EIF5A2: variants seen among roughly 807,000 people sequenced by gnomAD.
EIF5A2 encodes the protein eukaryotic translation initiation factor 5A-2.
A neutral mutation model predicts 16.4 loss-of-function variants in EIF5A2; 15 were observed. That is an observed-to-expected ratio of 0.92 (90% CI 0.61 to 1.41). The LOEUF (loss-of-function observed/expected upper bound fraction) is 1.41, where lower values mean the gene tolerates loss of function less well. Among genes scored for constraint, EIF5A2 ranks in the 40% most tolerant of loss-of-function variants. The probability of loss-of-function intolerance (pLI) is 0.00; values close to 1 mark genes in which losing one functional copy is unlikely to be tolerated. For synonymous variants in EIF5A2, 48 were observed against 61.1 expected (o/e 0.79, Z 1.00); for missense variants, 144 against 189.5 (o/e 0.76, Z 1.41).
rs1193568188 is a variant in EIF5A2 at position 170,891,394 on chromosome 3, A to G, written c.*1966T>C. On this transcript the variant is annotated 3_prime_UTR_variant, in exon 5 of 5. Transcript: ENST00000295822. ...AGATGGGCAAAAGCTAAAATGTTGTAGGAAAGACGACTAACTACTACCTCA... is the reference window on the plus strand; with the variant it reads ...AGATGGGCAAAAGCTAAAATGTTGTGGGAAAGACGACTAACTACTACCTCA... 6.6e-6 allele frequency: 1 copy of G among 152,638 alleles called. No homozygotes were observed. Among genetic ancestry groups the G allele is most frequent in the Non-Finnish European group, 1.5e-5 (1 of 68,016 alleles). The allele number at this position is 152,638 out of a possible 1,614,324, so 9.5% of individuals were successfully genotyped here.
In EIF5A2 at chr3:170,892,521, A is replaced by G. The variant is rs1712560787; in HGVS notation, c.*839T>C. The G allele has an allele frequency of 2.7e-6, 1 of 364,050 alleles. No individual in the cohort carries two copies. The highest frequency in any genetic ancestry group is 1.5e-4 in the South Asian group (1 of 6,770). 22.6% of individuals were successfully genotyped at this position (364,050 alleles called of 1,614,324 possible). A position where few individuals can be genotyped will look rare whatever the true frequency, so the allele number is the denominator to read the frequency against. ...CATAGTTGGAAAACAAGCATTGCATAGTATCATGTAAAGCAGATCACTCCC... is the reference window on the plus strand; with the variant it reads ...CATAGTTGGAAAACAAGCATTGCATGGTATCATGTAAAGCAGATCACTCCC... On this transcript the variant is annotated 3_prime_UTR_variant, in exon 5 of 5. Coordinates refer to ENST00000295822, the MANE Select transcript of EIF5A2 (RefSeq NM_020390.6).
chr3:170,895,429 A>T (rs943268972), intron 3 of EIF5A2, among the ~76,000 whole-genome samples: 15 of 152,164 alleles, frequency 9.9e-5, no homozygotes, highest in African/African-American at 3.6e-4. Flanking sequence ...GTAAACAACC[A>T]ACCTCCACTC....
At chr3:170,904,365 G>T (rs921618472) in intron 3 of EIF5A2, among the ~76,000 whole-genome samples, 1 of 152,138 alleles carries the variant, frequency 6.6e-6, no homozygotes, top group Non-Finnish European at 1.5e-5. Flanking sequence ...TGCCGAACTG[G>T]CACTCAAAAT....
chr3:170,900,059 G>A (rs1024218500), intron 3 of EIF5A2, among the ~76,000 whole-genome samples: 3 of 151,902 alleles, frequency 2.0e-5, no homozygotes, highest in African/African-American at 7.3e-5. Flanking sequence ...AGTATATAAG[G>A]TTATAAGGCT....
In EIF5A2 at chr3:170,891,464, T is replaced by C. The variant is rs913691460; in HGVS notation, c.*1896A>G. ...AATTTCCTTTGTATTTCTCTTAAAG[T>C]ATCTTGCTTCTTCCCCAAATTGGTT... is the stretch of plus-strand genomic sequence containing the variant. On this transcript the variant is annotated 3_prime_UTR_variant, in exon 5 of 5. Coordinates refer to ENST00000295822, the MANE Select transcript of EIF5A2 (RefSeq NM_020390.6). 3 of 152,656 alleles carry C rather than the reference T, an allele frequency of 2.0e-5. No homozygotes were observed. The highest frequency in any genetic ancestry group is 4.8e-5 in the African/African-American group (2 of 41,464). The allele number at this position is 152,656 out of a possible 1,614,324, so 9.5% of individuals were successfully genotyped here. A position where few individuals can be genotyped will look rare whatever the true frequency, so the allele number is the denominator to read the frequency against.
rs1163208388 is a variant in EIF5A2, at chr3:170,892,417, A to C, written c.*943T>G. ...GCACTCCAGCCTGGCTGATGGAGTG[A>C]GACTCAGTCTCAAAAAAAAAAAAAA... On this transcript the variant is annotated 3_prime_UTR_variant, in exon 5 of 5. Transcript: ENST00000295822. 6.6e-6 allele frequency: 1 copy of C among 150,472 alleles called. No individual in the cohort carries two copies. Among genetic ancestry groups the C allele is most frequent in the Non-Finnish European group, 1.4e-5 (1 of 73,566 alleles). The allele number at this position is 150,472 out of a possible 1,614,324, so 9.3% of individuals were successfully genotyped here. A position where few individuals can be genotyped will look rare whatever the true frequency, so the allele number is the denominator to read the frequency against.
intron 2 of EIF5A2, 46 bp downstream of exon 2, chr3:170,907,596 A>C (rs760458034): frequency 1.3e-6 from 2 of 1,502,334 alleles, no homozygotes; most frequent in African/African-American, 1.4e-5. Context: ...ACAAATGATC[A>C]AAGTCCCAAC....
At chr3:170,907,600 T>G in intron 2 of EIF5A2, 42 bp downstream of exon 2, 2 of 1,516,404 alleles carry the variant, frequency 1.3e-6, no homozygotes, top group Non-Finnish European at 1.8e-6. Flanking sequence ...ATGATCAAAG[T>G]CCCAACGCCG....
chr3:170,888,473 T>C lies in EIF5A2; in HGVS notation c.*4887A>G, dbSNP rs1233017670. 3.9e-5 allele frequency: 6 copies of C among 152,232 alleles called. No homozygotes were observed. Among genetic ancestry groups the C allele is most frequent in the Non-Finnish European group, 8.8e-5 (6 of 67,996 alleles). 9.4% of individuals were successfully genotyped at this position (152,232 alleles called of 1,614,324 possible). A position where few individuals can be genotyped will look rare whatever the true frequency, so the allele number is the denominator to read the frequency against. ...AACTGATGAAGTTAACAGACAAATA[T>C]ATTTTAATAATATCACAAAGTTATA... is the stretch of plus-strand genomic sequence containing the variant. On this transcript the variant is annotated 3_prime_UTR_variant, in exon 5 of 5. Transcript: ENST00000295822.
rs576564059 is a variant in EIF5A2 at position 170,891,711 on chromosome 3, A to G, written c.*1649T>C. ...TAGAGAATTAAGGTATTTCTGAGATAGTGATTTTGTTCTATGTTTTGCTCC... is the reference window on the plus strand; with the variant it reads ...TAGAGAATTAAGGTATTTCTGAGATGGTGATTTTGTTCTATGTTTTGCTCC... On this transcript the variant is annotated 3_prime_UTR_variant, in exon 5 of 5. Coordinates refer to ENST00000295822, the MANE Select transcript of EIF5A2 (RefSeq NM_020390.6). 1 of 152,732 alleles carries G rather than the reference A, an allele frequency of 6.5e-6. No homozygotes were observed. The highest frequency in any genetic ancestry group is 1.9e-4 in the East Asian group (1 of 5,174). The allele number at this position is 152,732 out of a possible 1,614,324, so 9.5% of individuals were successfully genotyped here.
chr3:170,901,562 C>CTT (rs35685053), intron 3 of EIF5A2, among the ~76,000 whole-genome samples: 4 of 142,066 alleles, frequency 2.8e-5, no homozygotes, highest in African/African-American at 5.2e-5. Flanking sequence ...CAGGTGCCTT[C>CTT]TTTTTTTTTT....
intron 3 of EIF5A2, among the ~76,000 whole-genome samples, chr3:170,903,299 A>G (rs1560010872): frequency 6.6e-6 from 1 of 152,224 alleles, no homozygotes; most frequent in Non-Finnish European, 1.5e-5. Flanking sequence ...CAAAGTAACA[A>G]GGCAGTGCAA....
chr3:170,902,656 T>C (rs948968891), intron 3 of EIF5A2, among the ~76,000 whole-genome samples: 32 of 149,096 alleles, frequency 2.1e-4, no homozygotes, highest in Non-Finnish European at 3.9e-4. Flanking sequence ...TTGCCCAGGC[T>C]GGAGTGCAAT....
At chr3:170,896,126 A>G (rs955429507) in intron 3 of EIF5A2, among the ~76,000 whole-genome samples, 1 of 152,220 alleles carries the variant, frequency 6.6e-6, no homozygotes, top group African/African-American at 2.4e-5. Context: ...GCCAAATAAT[A>G]ATACTGATAT....
Position 170,907,077 on chromosome 3 carries a change from A to G in EIF5A2, c.182T>C (p.Ile61Thr), listed in dbSNP as rs146178742. The G allele has an allele frequency of 2.9e-5, 46 of 1,612,504 alleles. 1 individual carries two copies. The South Asian group carries it at 4.0e-4, about 14-fold the overall frequency. Residue 61 changes from isoleucine (I) to threonine (T), a missense_variant, in exon 3 of 5, where the codon ATT (isoleucine) becomes ACT (threonine). Coordinates refer to ENST00000295822, the MANE Select transcript of EIF5A2 (RefSeq NM_020390.6). ...ATATTTTTTGCCCGTGAAAATATCA[A>G]TTCCAACAAGGTGAACCTAACAGAG... ...HGHAKVHLVG[I>T]DIFTGKKYED...
At position 170,893,657 on chromosome 3, in the gene EIF5A2, C is replaced by T. The variant is rs146924911; in HGVS notation, c.403-238G>A. ...TATAAATGTTTGAACACTTACTACC[C>T]GTTACATTTCTGAAAGTTGTAACGA... On this transcript the variant is annotated intron_variant, in intron 4 of 4. Coordinates refer to ENST00000295822, the MANE Select transcript of EIF5A2 (RefSeq NM_020390.6). Among the ~76,000 whole-genome samples, 164 of 152,274 alleles carry T rather than the reference C, an allele frequency of 1.1e-3. No homozygotes were observed. In the East Asian group the frequency reaches 0.025, roughly 23 times the overall value.
intron 3 of EIF5A2, 95 bp from the exon 4 acceptor site, chr3:170,894,518 T>G: frequency 9.6e-7 from 1 of 1,038,560 alleles, no homozygotes; most frequent in Non-Finnish European, 1.4e-6. Flanking sequence ...TTAATTCATA[T>G]AAGTATACAG....
intron 3 of EIF5A2, among the ~76,000 whole-genome samples, chr3:170,896,973 G>C (rs1261663365): frequency 6.6e-6 from 1 of 152,226 alleles, no homozygotes; most frequent in East Asian, 1.9e-4. Context: ...TGGAACAAAG[G>C]TCACTCCTGC....
In EIF5A2 at chr3:170,893,168, A is replaced by G. The variant is rs1712577026; in HGVS notation, c.*192T>C. ...ATAGGAAACATATCTACAAAATTCA[A>G]AAAAAATTATACATATTGATAATTT... is the stretch of plus-strand genomic sequence containing the variant. On this transcript the variant is annotated 3_prime_UTR_variant, in exon 5 of 5. Coordinates refer to ENST00000295822, the MANE Select transcript of EIF5A2 (RefSeq NM_020390.6). 1 of 471,946 alleles carries G rather than the reference A, an allele frequency of 2.1e-6. No homozygotes were observed. The highest frequency in any genetic ancestry group is 3.6e-6 in the Non-Finnish European group (1 of 276,140). The allele number at this position is 471,946 out of a possible 1,614,324, so 29.2% of individuals were successfully genotyped here.
Sources: allele counts gnomAD v4.1 joint callset (sites outside exome capture counted in the v4.1 genomes callset), GRCh38; gene constraint gnomAD v4.1.1; transcripts MANE v1.5; gene names NCBI Gene and HGNC (gene_info 2026-07-23, HGNC 2026-07-21).